GLIS3: variants seen among roughly 807,000 people sequenced by gnomAD.
GLIS3 encodes the protein zinc finger protein GLIS3.
In GLIS3, 53 loss-of-function variants were observed where a neutral mutation model predicts 78.6. The ratio of observed to expected loss-of-function variants is 0.67; its 90% confidence interval spans 0.54 to 0.85. The LOEUF is 0.85. Ranked by LOEUF, GLIS3 falls within the 40% of genes least tolerant of loss-of-function variation. GLIS3 has a pLI of 0.00. For synonymous variants in GLIS3, 684 were observed against 509.9 expected, an observed-to-expected ratio of 1.34 and a Z score of -4.60; for missense variants, 1,703 against 1,231.1, an observed-to-expected ratio of 1.38 and a Z score of -5.74.
intron 2 of GLIS3, among the ~76,000 whole-genome samples, chr9:4,197,367 G>C (rs943907882): frequency 1.3e-5 from 2 of 150,962 alleles, no homozygotes; most frequent in Non-Finnish European, 3.0e-5. Context: ...TAGAGATCAT[G>C]GTACAGGGAG....
rs1238322831 is a variant in GLIS3 at position 4,118,484 on chromosome 9, T to A, written c.994A>T (p.Asn332Tyr). The stretch of plus-strand genomic sequence containing the variant: ...TTGGCCGGCGAAGCCCTCGACCCGT[T>A]GATGTAGGCCACCAAGGACGTGGGC... ...TSPTSLVAYI[N>Y]GSRASPANLS... is the part of the protein sequence containing the mutation. Residue 332 changes from asparagine to tyrosine, a missense_variant, in exon 4 of 11, where the codon AAC becomes TAC. Asn to Tyr is a moderately radical substitution (Grantham distance 143, BLOSUM62 -2). Coordinates refer to ENST00000381971, the MANE Select transcript of GLIS3 (RefSeq NM_001042413.2). The surrounding 1 kb of genome is among the most constrained non-coding windows in gnomAD (Gnocchi z 4.7). The A allele has an allele frequency of 6.2e-7, 1 of 1,614,090 alleles. No individual in the cohort carries two copies. Among genetic ancestry groups the A allele is most frequent in the South Asian group, 1.1e-5 (1 of 91,088 alleles).
intron 2 of GLIS3, among the ~76,000 whole-genome samples, chr9:4,270,412 T>C (rs1826397684): frequency 6.6e-6 from 1 of 152,212 alleles, no homozygotes; most frequent in Non-Finnish European, 1.5e-5. Context: ...GAGCATGGCT[T>C]AGGTGGGTCC....
At chr9:4,453,831 C>T in the GLIS3 span, among the ~76,000 whole-genome samples, 1 of 151,756 alleles carries the variant, frequency 6.6e-6, no homozygotes, top group Non-Finnish European at 1.5e-5. Flanking sequence ...GGGAACATCA[C>T]ACACGGGGGC....
chr9:3,989,418 G>A (rs1191110599), intron 4 of GLIS3, among the ~76,000 whole-genome samples: 1 of 152,130 alleles, frequency 6.6e-6, no homozygotes, highest in East Asian at 1.9e-4. Context: ...TGAAAATTAT[G>A]TTATAACAAA....
At chr9:3,927,282 A>C (rs1248130910) in intron 6 of GLIS3, among the ~76,000 whole-genome samples, 2 of 152,218 alleles carry the variant, frequency 1.3e-5, no homozygotes, top group Admixed American at 6.5e-5. Context: ...ATGTAGTAGA[A>C]GAGTAGTTTG....
At chr9:4,419,555 C>T in the GLIS3 span, among the ~76,000 whole-genome samples, 1 of 151,924 alleles carries the variant, frequency 6.6e-6, no homozygotes, top group Non-Finnish European at 1.5e-5. Flanking sequence ...TTGAGGAGGC[C>T]GAGGCGGGTG....
At chr9:4,142,459 G>A (rs923030255) in intron 2 of GLIS3, among the ~76,000 whole-genome samples, 1 of 152,134 alleles carries the variant, frequency 6.6e-6, no homozygotes, top group Non-Finnish European at 1.5e-5. Flanking sequence ...CTTAGCTTGG[G>A]GGTTAGAGTG....
the GLIS3 span, among the ~76,000 whole-genome samples, chr9:4,487,230 C>A: frequency 6.6e-6 from 1 of 151,946 alleles, no homozygotes; most frequent in African/African-American, 2.4e-5. Flanking sequence ...TCTCGTGGGT[C>A]TGAAGGGGTT....
chr9:4,130,139 G>A (rs1177099284), intron 2 of GLIS3, among the ~76,000 whole-genome samples: 1 of 152,194 alleles, frequency 6.6e-6, no homozygotes, highest in Non-Finnish European at 1.5e-5. Flanking sequence ...TGGCCTGGCT[G>A]TTTCTAACAA....
In GLIS3 at chr9:4,297,126, A is replaced by C. The variant is rs988051035; in HGVS notation, c.-99+2295T>G. Among the ~76,000 whole-genome samples, 6 of 152,262 alleles carry C rather than the reference A, an allele frequency of 3.9e-5. No homozygotes were observed. The South Asian group carries it at 1.0e-3, about 26-fold the overall frequency. ...CACAAGTCGATTTTGTACCCAAAAA[A>C]AAAAAAAAGTTTAGTCTAAAAAGGG... is the stretch of plus-strand genomic sequence containing the variant. On this transcript the variant is annotated intron_variant, in intron 1 of 10. Transcript: ENST00000381971.
chr9:4,273,106 T>C (rs1204802033), intron 2 of GLIS3, among the ~76,000 whole-genome samples: 1 of 152,224 alleles, frequency 6.6e-6, no homozygotes, highest in African/African-American at 2.4e-5. Flanking sequence ...CTTTTCATAC[T>C]GCCTAGACTG....
chr9:3,941,889 T>C (rs1815949839), intron 4 of GLIS3, among the ~76,000 whole-genome samples: 1 of 152,236 alleles, frequency 6.6e-6, no homozygotes, highest in South Asian at 2.1e-4. Flanking sequence ...TGGACTGTAA[T>C]CACCATCTAC....
chr9:4,079,946 G>C (rs1298563414), intron 4 of GLIS3, among the ~76,000 whole-genome samples: 1 of 152,116 alleles, frequency 6.6e-6, no homozygotes, highest in Non-Finnish European at 1.5e-5. Flanking sequence ...ACAGACACTT[G>C]TTGAAAAAAG....
rs368268422 is a variant in GLIS3 at position 3,983,792 on chromosome 9, T to C, written c.1711-46603A>G. ...AGCAGCAGAGCATTCAAGAGGTGACTTGGGTGCTGTTAAGGGCATTCAGTT... is the reference window on the plus strand; with the variant it reads ...AGCAGCAGAGCATTCAAGAGGTGACCTGGGTGCTGTTAAGGGCATTCAGTT... On this transcript the variant is annotated intron_variant, in intron 4 of 10. Transcript: ENST00000381971. Among the ~76,000 whole-genome samples, 4 of 152,302 alleles carry C rather than the reference T, an allele frequency of 2.6e-5. No individual in the cohort carries two copies. In the East Asian group the frequency reaches 7.7e-4, roughly 29 times the overall value.
chr9:3,995,118 G>A (rs185662016), intron 4 of GLIS3, among the ~76,000 whole-genome samples: 18 of 152,048 alleles, frequency 1.2e-4, no homozygotes, highest in Admixed American at 5.9e-4. Context: ...TAAACTGGGA[G>A]GAGCAAAACC....
chr9:4,042,070 G>C (rs1824858353), intron 4 of GLIS3, among the ~76,000 whole-genome samples: 1 of 152,074 alleles, frequency 6.6e-6, no homozygotes, highest in Non-Finnish European at 1.5e-5. Context: ...CTCATCTACA[G>C]TCCTCAATAA....
chr9:4,108,255 T>C (rs1830928223), intron 4 of GLIS3, among the ~76,000 whole-genome samples: 1 of 152,200 alleles, frequency 6.6e-6, no homozygotes. Context: ...GTAGATACCC[T>C]TGGGAGAGCC....
chr9:4,163,062 G>T, intron 2 of GLIS3, among the ~76,000 whole-genome samples: 1 of 152,146 alleles, frequency 6.6e-6, no homozygotes, highest in East Asian at 1.9e-4. Flanking sequence ...TGGGCATCAT[G>T]CTAGGGACTC....
At chr9:4,298,513 T>A (rs1259027679) in intron 1 of GLIS3, 1 of 433,346 alleles carries the variant, frequency 2.3e-6, no homozygotes, top group African/African-American at 2.1e-5. Flanking sequence ...CGGGGCAAGG[T>A]GTGTGTCTAG....
Sources: gnomAD v4.1 joint callset for allele counts (sites outside exome capture counted in the v4.1 genomes callset) on GRCh38, gnomAD v4.1.1 for gene constraint, Gnocchi (gnomAD v3.1) non-coding constraint, MANE v1.5 for transcripts, NCBI Gene and HGNC (gene_info 2026-07-23, HGNC 2026-07-21) for gene names.